CSMD3: variants seen among roughly 807,000 people sequenced by gnomAD.
The protein encoded by CSMD3 is CUB and Sushi multiple domains 3.
Under a neutral mutation model 435.2 loss-of-function variants are expected in CSMD3, and 177 were observed. The ratio of observed to expected loss-of-function variants is 0.41; its 90% CI spans 0.36 to 0.46. CSMD3 has a LOEUF of 0.46. CSMD3 is among the 20% of genes least tolerant of loss of function. The pLI is 0.34. For missense variants in CSMD3, 4,265 were observed against 4,504.6 expected, an observed-to-expected ratio of 0.95 and a Z score of 1.52; for synonymous variants, 1,656 against 1,520.5, an observed-to-expected ratio of 1.09 and a Z score of -2.07.
chr8:112,503,243 G>T (rs1244462466), intron 30 of CSMD3, among the ~76,000 whole-genome samples: 3 of 151,932 alleles, frequency 2.0e-5, no homozygotes, highest in Non-Finnish European at 4.4e-5. Flanking sequence ...CACCCCTCTT[G>T]ACTAATTAAA....
At chr8:113,023,040 A>C (rs2086739790) in intron 5 of CSMD3, among the ~76,000 whole-genome samples, 1 of 152,088 alleles carries the variant, frequency 6.6e-6, no homozygotes, top group African/African-American at 2.4e-5. Flanking sequence ...GAAAATTGAG[A>C]GAATGACAGC....
chr8:113,132,705 G>C (rs892717644), intron 4 of CSMD3, among the ~76,000 whole-genome samples: 1 of 151,936 alleles, frequency 6.6e-6, no homozygotes, highest in East Asian at 1.9e-4. Flanking sequence ...CTTTCCCAAA[G>C]AATAAAAATA....
intron 11 of CSMD3, among the ~76,000 whole-genome samples, chr8:112,836,034 T>C (rs182600264): frequency 2.0e-5 from 3 of 151,962 alleles, no homozygotes; most frequent in African/African-American, 4.8e-5. Context: ...TACTTTTATA[T>C]TGGATTTGGG....
intron 13 of CSMD3, among the ~76,000 whole-genome samples, chr8:112,743,305 A>AAT (rs1554668229): frequency 1.1e-4 from 16 of 150,186 alleles, no homozygotes; most frequent in African/African-American, 3.6e-4. Flanking sequence ...CCAAAAAAAA[A>AAT]AAATAAATAA....
At chr8:112,683,203 A>G (rs1288222692) in intron 15 of CSMD3, among the ~76,000 whole-genome samples, 1 of 152,040 alleles carries the variant, frequency 6.6e-6, no homozygotes, top group Non-Finnish European at 1.5e-5. Context: ...TTTCGCAATT[A>G]CCATGTTCCA....
intron 35 of CSMD3, among the ~76,000 whole-genome samples, chr8:112,397,943 A>C (rs1313130882): frequency 6.6e-6 from 1 of 152,198 alleles, no homozygotes. Flanking sequence ...TCTAAATATC[A>C]TGTCAATCAC....
At chr8:112,318,235 C>T (rs1378487137) in intron 47 of CSMD3, among the ~76,000 whole-genome samples, 2 of 152,098 alleles carry the variant, frequency 1.3e-5, no homozygotes, top group East Asian at 3.9e-4. Flanking sequence ...ACTCAGGAAA[C>T]AATGCTTCCA....
intron 3 of CSMD3, among the ~76,000 whole-genome samples, chr8:113,262,755 T>C (rs1011674054): frequency 2.0e-5 from 3 of 151,930 alleles, no homozygotes; most frequent in African/African-American, 7.2e-5. Context: ...AATAATACAA[T>C]TGCAAGAAAA....
intron 22 of CSMD3, among the ~76,000 whole-genome samples, chr8:112,629,330 T>C (rs1337878642): frequency 6.6e-6 from 1 of 152,094 alleles, no homozygotes; most frequent in East Asian, 1.9e-4. Flanking sequence ...GCCTCCCCAG[T>C]GGCTGAGACA....
At chr8:112,724,570 A>G (rs1260420128) in intron 13 of CSMD3, among the ~76,000 whole-genome samples, 2 of 152,114 alleles carry the variant, frequency 1.3e-5, no homozygotes, top group Admixed American at 1.3e-4. Context: ...TAAAAAATCA[A>G]TTAAGTTAAG....
chr8:112,414,909 G>T (rs1811744216), intron 32 of CSMD3, among the ~76,000 whole-genome samples: 1 of 152,186 alleles, frequency 6.6e-6, no homozygotes, highest in South Asian at 2.1e-4. Context: ...GAACTTGAGA[G>T]AGATGATTTA....
intron 13 of CSMD3, among the ~76,000 whole-genome samples, chr8:112,704,650 CCTCT>C (rs377167995): frequency 6.6e-6 from 1 of 150,458 alleles, no homozygotes; most frequent in African/African-American, 2.4e-5. Context: ...GTAGCTCCAT[CCTCT>C]CTCTCTCTCT....
intron 61 of CSMD3, among the ~76,000 whole-genome samples, chr8:112,258,211 T>C (rs923361154): frequency 6.6e-6 from 1 of 152,136 alleles, no homozygotes; most frequent in Non-Finnish European, 1.5e-5. Context: ...AATCAGGACA[T>C]AGGCATCGGC....
At chr8:112,693,163 A>T (rs1409250835) in intron 13 of CSMD3, among the ~76,000 whole-genome samples, 1 of 152,106 alleles carries the variant, frequency 6.6e-6, no homozygotes, top group African/African-American at 2.4e-5. Flanking sequence ...GAATGCATGT[A>T]TTCCATTGGA....
intron 13 of CSMD3, among the ~76,000 whole-genome samples, chr8:112,786,059 G>T (rs2078530457): frequency 6.6e-6 from 1 of 152,048 alleles, no homozygotes; most frequent in African/African-American, 2.4e-5. Flanking sequence ...AAAACAGCAT[G>T]GTAGTGGCAA....
At chr8:112,663,267 A>C (rs1039105923) in intron 17 of CSMD3, among the ~76,000 whole-genome samples, 1 of 152,168 alleles carries the variant, frequency 6.6e-6, no homozygotes, top group African/African-American at 2.4e-5. Context: ...CTGGATTAAG[A>C]ATATGTAGCA....
chr8:112,459,357 GT>G (rs200865342), intron 32 of CSMD3, among the ~76,000 whole-genome samples: 235 of 85,074 alleles, frequency 2.8e-3, no homozygotes, highest in African/African-American at 0.011. Context: ...GTGTGTGTGT[GT>G]GGGGGGGGGG....
At chr8:112,915,458 AT>A (rs2130573965) in intron 10 of CSMD3, among the ~76,000 whole-genome samples, 1 of 151,988 alleles carries the variant, frequency 6.6e-6, no homozygotes, top group Non-Finnish European at 1.5e-5. Context: ...TTACTAATAC[AT>A]TTTAAGAATT....
intron 3 of CSMD3, among the ~76,000 whole-genome samples, 180 bp downstream of exon 3, chr8:113,278,412 T>G (rs534686685): frequency 6.6e-6 from 1 of 151,922 alleles, no homozygotes; most frequent in South Asian, 2.1e-4. Context: ...TGATATAAAA[T>G]ATTAAAACCC....
Sources: allele counts gnomAD v4.1 joint callset (sites outside exome capture counted in the v4.1 genomes callset), GRCh38; gene constraint gnomAD v4.1.1; transcripts MANE v1.5; gene names NCBI Gene and HGNC (gene_info 2026-07-23, HGNC 2026-07-21).